Variants in SMARCA2 observed in about 807,000 individuals in gnomAD.
The protein encoded by SMARCA2 is SWI/SNF-related matrix-associated actin-dependent regulator of chromatin subfamily A member 2.
Under a neutral mutation model 199.8 loss-of-function variants are expected in SMARCA2, and 61 were observed. The observed-to-expected ratio is 0.31, with a 90% CI of 0.25 to 0.38. The LOEUF is 0.38. Among genes scored for constraint, SMARCA2 ranks in the 10% least tolerant of loss-of-function variants. SMARCA2 has a pLI of 1.00. For missense variants in SMARCA2, 1,344 were observed against 2,012.2 expected, an observed-to-expected ratio of 0.67 and a Z score of 6.35; for synonymous variants, 935 against 732.0, an observed-to-expected ratio of 1.28 and a Z score of -4.48.
Position 2,128,499 on chromosome 9 carries a change from C to A in SMARCA2, c.3981+4562C>A, listed in dbSNP as rs189152222. On this transcript the variant is annotated intron_variant, in intron 27 of 33. Coordinates refer to ENST00000349721, the MANE Select transcript of SMARCA2 (RefSeq NM_003070.5). ...TTTCTCCACACTGTGCTAGAAGATG[C>A]AGGGTGCAGTGAAACTGGCCCCTTC... Among the ~76,000 whole-genome samples the A allele has an allele frequency of 6.5e-3, 995 of 152,348 alleles. 17 individuals are homozygous for A. The highest frequency in any genetic ancestry group is 8.3e-3 in the Non-Finnish European group (563 of 68,034).
chr9:2,125,198 C>T (rs1823635180), intron 27 of SMARCA2, among the ~76,000 whole-genome samples: 1 of 152,182 alleles, frequency 6.6e-6, no homozygotes, highest in African/African-American at 2.4e-5. Flanking sequence ...GCCTGTGATT[C>T]TGAAAAGCAC....
intron 27 of SMARCA2, among the ~76,000 whole-genome samples, chr9:2,142,702 A>G (rs566006322): frequency 1.7e-4 from 26 of 152,168 alleles, no homozygotes; most frequent in South Asian, 6.2e-4. Context: ...TAAAGAGGTG[A>G]GGCTGGAGTA....
At chr9:2,069,215 C>T (rs1032965947) in intron 9 of SMARCA2, among the ~76,000 whole-genome samples, 5 of 151,512 alleles carry the variant, frequency 3.3e-5, no homozygotes, top group African/African-American at 7.3e-5. Context: ...CGCACCCGGC[C>T]GATATGACAT....
At chr9:2,088,667 T>C (rs895877611) in intron 19 of SMARCA2, 54 bp downstream of exon 19, 21 of 1,147,936 alleles carry the variant, frequency 1.8e-5, no homozygotes, top group Non-Finnish European at 2.6e-5. Flanking sequence ...GCAAATATAT[T>C]TGAAGTACCT....
chr9:2,033,462 G>A (rs1252985984), intron 3 of SMARCA2, among the ~76,000 whole-genome samples: 3 of 152,210 alleles, frequency 2.0e-5, no homozygotes, highest in Non-Finnish European at 4.4e-5. Flanking sequence ...CGGTGACAGG[G>A]CCAGAAAGAG....
At chr9:2,189,025 C>G (rs974444021) in intron 32 of SMARCA2, among the ~76,000 whole-genome samples, 8 of 152,290 alleles carry the variant, frequency 5.3e-5, no homozygotes, top group African/African-American at 1.4e-4. Flanking sequence ...GCGTCTTCCT[C>G]TTCCACGTTT....
rs565857633 is a variant in SMARCA2, at chr9:2,110,827, C to T, written c.3456+410C>T. On this transcript the variant is annotated intron_variant, in intron 24 of 33. Transcript: ENST00000349721. The surrounding 1 kb of genome is among the most constrained non-coding windows in gnomAD (Gnocchi z 4.8). ...TCAGTTTTACGACAACCCTGTCAGA[C>T]GGTTAATATGATTTGAATCTTTGCA... 4.6e-5 allele frequency among the ~76,000 whole-genome samples: 7 copies of T among 152,284 alleles called. No homozygotes were observed. The South Asian group carries it at 1.0e-3, about 23-fold the overall frequency.
intron 3 of SMARCA2, among the ~76,000 whole-genome samples, chr9:2,036,900 T>C (rs892043756): frequency 1.3e-5 from 2 of 152,230 alleles, no homozygotes; most frequent in Admixed American, 6.5e-5. Flanking sequence ...CAGTTGAATT[T>C]AGACTAGGTT....
intron 27 of SMARCA2, 71 bp downstream of exon 27, chr9:2,124,008 T>A: frequency 8.0e-7 from 1 of 1,251,354 alleles, no homozygotes; most frequent in South Asian, 1.3e-5. Flanking sequence ...ACCAGGGGCC[T>A]AGAGCTGGGA....
chr9:2,034,156 A>T (rs916253882), intron 3 of SMARCA2, among the ~76,000 whole-genome samples: 2 of 151,562 alleles, frequency 1.3e-5, no homozygotes, highest in African/African-American at 4.9e-5. Flanking sequence ...GAGGCATGAG[A>T]ATCGCTTGAA....
In SMARCA2 at chr9:2,115,809, AC is replaced by A. The variant is rs753951636; in HGVS notation, c.3457-7del. ...GCATCTCAGTCCTCATAGCATATTGACCCCCCAAACAGGATCTGCAGGCCCA... is the reference window on the plus strand; with the variant it reads ...GCATCTCAGTCCTCATAGCATATTGACCCCCAAACAGGATCTGCAGGCCCA... On this transcript the variant is annotated splice_polypyrimidine_tract_variant and intron_variant, in intron 24 of 33. Coordinates refer to ENST00000349721, the MANE Select transcript of SMARCA2 (RefSeq NM_003070.5). This position sits in a 1 kb window ranked among gnomAD's most constrained non-coding sequence, Gnocchi z 6.0. The A allele has an allele frequency of 6.2e-7, 1 of 1,611,326 alleles. No individual in the cohort carries two copies. Among genetic ancestry groups the A allele is most frequent in the Non-Finnish European group, 8.5e-7 (1 of 1,178,210 alleles).
chr9:2,061,913 T>C (rs918937835), intron 9 of SMARCA2, among the ~76,000 whole-genome samples: 1 of 152,198 alleles, frequency 6.6e-6, no homozygotes, highest in Non-Finnish European at 1.5e-5. Context: ...ACTGATTTCT[T>C]TAGTATAAGA....
At position 2,110,168 on chromosome 9, in the gene SMARCA2, C is replaced by T; in HGVS notation, c.3293-86C>T. 7.3e-6 allele frequency: 8 copies of T among 1,088,644 alleles called. No homozygotes were observed. Among genetic ancestry groups the T allele is most frequent in the Non-Finnish European group, 1.1e-5 (8 of 758,798 alleles). The allele number at this position is 1,088,644 out of a possible 1,614,324, so 67.4% of individuals were successfully genotyped here. ...TGTTAGGAGGAGTCTGGGTATATTT[C>T]TTGAAGGAAGCAAGCCTTTTTGTCT... On this transcript the variant is annotated intron_variant, in intron 23 of 33. Coordinates refer to ENST00000349721, the MANE Select transcript of SMARCA2 (RefSeq NM_003070.5). This position sits in a 1 kb window ranked among gnomAD's most constrained non-coding sequence, Gnocchi z 4.8.
At chr9:2,097,604 A>G in intron 21 of SMARCA2, 133 bp downstream of exon 21, 1 of 585,066 alleles carries the variant, frequency 1.7e-6, no homozygotes, top group East Asian at 2.8e-5. Context: ...AGATGACATG[A>G]TCTGATAGCT....
chr9:2,120,886 A>T (rs974407553), intron 26 of SMARCA2, among the ~76,000 whole-genome samples: 4 of 152,194 alleles, frequency 2.6e-5, no homozygotes, highest in African/African-American at 9.6e-5. Context: ...AGATTTCTTA[A>T]CTCACACTGG....
intron 27 of SMARCA2, chr9:2,158,772 A>C: frequency 2.1e-6 from 1 of 470,756 alleles, no homozygotes; most frequent in Non-Finnish European, 3.7e-6. Context: ...AATTTTACTT[A>C]CATGCAGGAG....
Position 2,186,245 on chromosome 9 carries a change from G to A in SMARCA2, c.4594+17G>A, listed in dbSNP as rs746116473. The A allele has an allele frequency of 2.1e-5, 33 of 1,608,490 alleles. No homozygotes were observed. In the Admixed American group the frequency reaches 3.9e-4, roughly 19 times the overall value. The stretch of plus-strand genomic sequence containing the variant: ...AGTCCGAGGGTAAGCCCAGACATTC[G>A]GGTCCTGTACATCTTTGCCCCTCCT... On this transcript the variant is annotated intron_variant, in intron 32 of 33. Transcript: ENST00000349721.
rs746613156 is a variant in SMARCA2, at chr9:2,161,664, C to T, written c.3982-22C>T. On this transcript the variant is annotated intron_variant, in intron 27 of 33. Coordinates refer to ENST00000349721, the MANE Select transcript of SMARCA2 (RefSeq NM_003070.5). The surrounding 1 kb of genome is among the most constrained non-coding windows in gnomAD (Gnocchi z 4.7). ...GGTTATTCTCTTGTCTTGAATTTGT[C>T]TCCTTTGTTTCCAACGAACAGGCCA... is the stretch of plus-strand genomic sequence containing the variant. 1.3e-6 allele frequency: 2 copies of T among 1,553,496 alleles called. No homozygotes were observed. Among genetic ancestry groups the T allele is most frequent in the East Asian group, 2.2e-5 (1 of 44,514 alleles).
Position 2,056,861 on chromosome 9 carries a change from G to GT in SMARCA2, c.1347+16_1347+17insT, listed in dbSNP as rs150124430. ...GAAACACCAGGTTCTTAGACCCTGG[G>GT]CTTTGCTCACCCTCACTTTGGCAGA... is the stretch of plus-strand genomic sequence containing the variant. On this transcript the variant is annotated intron_variant, in intron 7 of 33. Coordinates refer to ENST00000349721, the MANE Select transcript of SMARCA2 (RefSeq NM_003070.5). This position sits in a 1 kb window ranked among gnomAD's most constrained non-coding sequence, Gnocchi z 4.0. The GT allele has an allele frequency of 0.14, 232,909 of 1,608,540 alleles. 18,096 individuals are homozygous for GT. Among genetic ancestry groups the GT allele is most frequent in the Middle Eastern group, 0.18 (1,077 of 6,032 alleles).
Sources: gnomAD v4.1 joint callset for allele counts (sites outside exome capture counted in the v4.1 genomes callset) on GRCh38, gnomAD v4.1.1 for gene constraint, Gnocchi (gnomAD v3.1) non-coding constraint, MANE v1.5 for transcripts, NCBI Gene and HGNC (gene_info 2026-07-23, HGNC 2026-07-21) for gene names.